Variants in DLGAP2 observed in about 807,000 individuals in gnomAD.
DLGAP2 encodes the protein DLG associated protein 2, also known as disks large-associated protein 2.
A neutral mutation model predicts 100.3 loss-of-function variants in DLGAP2; 26 were observed. The ratio of observed to expected loss-of-function variants is 0.26; its 90% CI spans 0.19 to 0.36. The LOEUF (loss-of-function observed/expected upper bound fraction) is 0.36, where lower values mean the gene tolerates loss of function less well. Ranked by LOEUF, DLGAP2 falls within the 10% of genes least tolerant of loss-of-function variation. The pLI is 1.00. For missense variants in DLGAP2, 1,858 were observed against 1,453.2 expected, an observed-to-expected ratio of 1.28 and a Z score of -4.53; for synonymous variants, 886 against 630.1, an observed-to-expected ratio of 1.41 and a Z score of -6.08.
chr8:1,499,730 T>A (rs1410410379), intron 3 of DLGAP2, among the ~76,000 whole-genome samples: 1 of 152,266 alleles, frequency 6.6e-6, no homozygotes, highest in Non-Finnish European at 1.5e-5. Context: ...TTTTAAAAGC[T>A]GTAACTGGGA....
rs113033034 is a variant in DLGAP2, at chr8:1,548,742, C to T, written c.289C>T (p.His97Tyr). Residue 97 changes from histidine to tyrosine, a missense_variant, in exon 5 of 15, where the codon CAC (histidine) becomes TAC (tyrosine). Physicochemically the swap from His to Tyr is moderately conservative, Grantham distance 83. Coordinates refer to ENST00000637795, the MANE Select transcript of DLGAP2 (RefSeq NM_001346810.2). ...SRTQPPLCSG[H>Y]TCGLAPPEDC... ...GACCCAGCCGCCGCTGTGTTCCGGG[C>T]ACACGTGTGGTCTGGCGCCCCCGGA... 4.4e-6 allele frequency: 7 copies of T among 1,606,220 alleles called. No individual in the cohort carries two copies. The highest frequency in any genetic ancestry group is 4.2e-6 in the Non-Finnish European group (5 of 1,177,968).
At chr8:1,489,450 G>A (rs1799315686) in intron 3 of DLGAP2, among the ~76,000 whole-genome samples, 1 of 152,204 alleles carries the variant, frequency 6.6e-6, no homozygotes, top group Non-Finnish European at 1.5e-5. Context: ...ACCCACGTTA[G>A]AGGAAGAAGG....
intron 1 of DLGAP2, chr8:738,061 G>A: frequency 3.5e-6 from 1 of 283,828 alleles, no homozygotes. Flanking sequence ...CCCTGGCCGC[G>A]CTCGGGGGTG....
chr8:1,295,027 G>A (rs377350491), intron 3 of DLGAP2, among the ~76,000 whole-genome samples: 1 of 152,122 alleles, frequency 6.6e-6, no homozygotes, highest in South Asian at 2.1e-4. Flanking sequence ...TAATAGAAGG[G>A]TGATATCGCT....
At chr8:1,568,514 C>G (rs79547470) in intron 6 of DLGAP2, among the ~76,000 whole-genome samples, 2 of 144,814 alleles carry the variant, frequency 1.4e-5, no homozygotes, top group African/African-American at 5.1e-5. Flanking sequence ...ATGCCACTGT[C>G]CACTCAGCAG....
chr8:1,117,807 C>T (rs1429837593), intron 2 of DLGAP2, among the ~76,000 whole-genome samples: 1 of 152,160 alleles, frequency 6.6e-6, no homozygotes, highest in African/African-American at 2.4e-5. Context: ...TTGACACTCA[C>T]TTGGGCTCAG....
chr8:993,695 G>A (rs59778176), intron 2 of DLGAP2, among the ~76,000 whole-genome samples: 8,639 of 151,468 alleles, frequency 0.057, 808 homozygotes, highest in African/African-American at 0.2. Context: ...GTACACTCGT[G>A]CCTCTCAGGG....
chr8:939,020 C>T (rs946597123), intron 2 of DLGAP2, among the ~76,000 whole-genome samples: 18 of 152,356 alleles, frequency 1.2e-4, no homozygotes, highest in African/African-American at 3.4e-4. Context: ...GAGCAGCCAC[C>T]GGCAGGGCTG....
chr8:771,494 A>G (rs1257145203), intron 1 of DLGAP2, among the ~76,000 whole-genome samples: 1 of 152,244 alleles, frequency 6.6e-6, no homozygotes, highest in Non-Finnish European at 1.5e-5. Flanking sequence ...CAGGCCGGCT[A>G]GCTCTGTCAC....
At chr8:1,576,933 T>C (rs1332691682) in intron 6 of DLGAP2, among the ~76,000 whole-genome samples, 1 of 152,142 alleles carries the variant, frequency 6.6e-6, no homozygotes, top group African/African-American at 2.4e-5. Context: ...AAAGTTCTTA[T>C]GGAAACAAAA....
chr8:1,454,704 G>C (rs1204798549), intron 3 of DLGAP2, among the ~76,000 whole-genome samples: 1 of 152,178 alleles, frequency 6.6e-6, no homozygotes, highest in East Asian at 1.9e-4. Flanking sequence ...AGTTCAGCTT[G>C]AGGGCTGAGA....
At chr8:1,159,766 A>G (rs528971922) in intron 2 of DLGAP2, among the ~76,000 whole-genome samples, 11 of 152,342 alleles carry the variant, frequency 7.2e-5, no homozygotes, top group African/African-American at 1.7e-4. Context: ...GAAAAATACT[A>G]GTGAAGTATT....
At chr8:1,356,407 C>G (rs909312079) in intron 3 of DLGAP2, among the ~76,000 whole-genome samples, 1 of 152,152 alleles carries the variant, frequency 6.6e-6, no homozygotes, top group African/African-American at 2.4e-5. Context: ...AAAAATAAAA[C>G]CATGTGAAAC....
chr8:802,254 G>A (rs1045722421), intron 1 of DLGAP2, among the ~76,000 whole-genome samples: 1 of 151,920 alleles, frequency 6.6e-6, no homozygotes, highest in African/African-American at 2.4e-5. Flanking sequence ...CTCCTCCTGG[G>A]CCCTCCGTCC....
chr8:1,300,169 CT>C (rs1232102890), intron 3 of DLGAP2: 14 of 152,220 alleles, frequency 9.2e-5, no homozygotes, highest in Non-Finnish European at 1.5e-5. Context: ...AATTCAGCCC[CT>C]AGCAATGTTC....
intron 3 of DLGAP2, among the ~76,000 whole-genome samples, chr8:1,454,125 T>A (rs964235810): frequency 2.0e-5 from 3 of 152,222 alleles, no homozygotes; most frequent in Non-Finnish European, 4.4e-5. Flanking sequence ...GATTTGAGAA[T>A]GTTTTCTGGG....
chr8:814,634 T>G (rs1796429783), intron 1 of DLGAP2, among the ~76,000 whole-genome samples: 1 of 151,124 alleles, frequency 6.6e-6, no homozygotes, highest in African/African-American at 2.4e-5. Context: ...GATCACGAGG[T>G]CAGGAGATTG....
intron 3 of DLGAP2, among the ~76,000 whole-genome samples, chr8:1,357,870 C>A (rs1434602200): frequency 6.6e-6 from 1 of 152,172 alleles, no homozygotes; most frequent in Non-Finnish European, 1.5e-5. Context: ...TGGGGAGGAG[C>A]AGCTGCCCCT....
At position 1,549,155 on chromosome 8, in the gene DLGAP2, C is replaced by G. The variant is rs535337250; in HGVS notation, c.702C>G (p.His234Gln). The change falls in exon 5 of 15, where the codon CAC (histidine) becomes CAG (glutamine). Residue 234 changes from histidine to glutamine, a missense_variant. Transcript: ENST00000637795. Reference sequence around the variant, plus strand: ...CCGGGCGGATCCGCCACCTGGTACACTCCGTGCAGAAGCTCTTCACCAAGT... The same window carrying G: ...CCGGGCGGATCCGCCACCTGGTACAGTCCGTGCAGAAGCTCTTCACCAAGT... ...ESPGRIRHLV[H>Q]SVQKLFTKSH... 1 of 1,596,168 alleles carries G rather than the reference C, an allele frequency of 6.3e-7. No individual in the cohort carries two copies. Among genetic ancestry groups the G allele is most frequent in the African/African-American group, 1.3e-5 (1 of 74,732 alleles).
Sources: gnomAD v4.1 joint callset for allele counts (sites outside exome capture counted in the v4.1 genomes callset) on GRCh38, gnomAD v4.1.1 for gene constraint, MANE v1.5 for transcripts, NCBI Gene and HGNC (gene_info 2026-07-23, HGNC 2026-07-21) for gene names.